The following PSD4 variants were observed in gnomAD, a reference collection of about 807,000 sequenced individuals.
PSD4 encodes pleckstrin and Sec7 domain containing 4.
Under a neutral mutation model 112.5 loss-of-function variants are expected in PSD4, and 59 were observed. The observed-to-expected ratio is 0.52, with a 90% CI of 0.43 to 0.65. PSD4 has a LOEUF of 0.65. Among genes scored for constraint, PSD4 ranks in the 30% least tolerant of loss-of-function variants. The pLI is 0.00. For missense variants in PSD4, 1,267 were observed against 1,352.6 expected, an observed-to-expected ratio of 0.94 and a Z score of 0.99; for synonymous variants, 533 against 540.0, an observed-to-expected ratio of 0.99 and a Z score of 0.18.
chr2:113,181,287 T>A, intron 1 of PSD4, among the ~76,000 whole-genome samples: 1 of 151,340 alleles, frequency 6.6e-6, no homozygotes, highest in South Asian at 2.1e-4. Flanking sequence ...TAAGGACCTG[T>A]GTACTTGACC....
In PSD4 at chr2:113,183,201, C is replaced by A. The variant is rs1573355545; in HGVS notation, c.745C>A (p.Pro249Thr). The change falls in exon 2 of 17, where the codon CCC (proline) becomes ACC (threonine). Residue 249 changes from proline (P) to threonine (T), a missense_variant. By Grantham distance (38) the Pro-to-Thr change is conservative. Around this residue, in one of 2 missense-constraint regions of PSD4, gnomAD observed 723 missense variants for 704.0 expected, o/e 1.03. Coordinates refer to ENST00000245796, the MANE Select transcript of PSD4 (RefSeq NM_012455.3). The stretch of plus-strand genomic sequence containing the variant: ...GGAGGAGAGCATGTTCTTCAGCAAC[C>A]CCCTCTTCCTGGCGAGTCCTTGCTC... ...AEEESMFFSN[P>T]LFLASPCSEN... The A allele has an allele frequency of 1.2e-6, 2 of 1,614,178 alleles. No homozygotes were observed. The highest frequency in any genetic ancestry group is 2.2e-5 in the East Asian group (1 of 44,880).
chr2:113,197,723 T>G, intron 13 of PSD4, 24 bp from the exon 14 acceptor site: 5 of 1,608,160 alleles, frequency 3.1e-6, no homozygotes, highest in Non-Finnish European at 4.3e-6. Context: ...GATAACCTCT[T>G]CTCTGAGCCC....
intron 1 of PSD4, chr2:113,175,258 C>T (rs1353877490): frequency 6.5e-6 from 1 of 153,110 alleles, no homozygotes; most frequent in East Asian, 1.9e-4. Flanking sequence ...CCCCTGGATA[C>T]TCTCTGCCTA....
At chr2:113,193,799 G>T in intron 9 of PSD4, 60 bp from the exon 10 acceptor site, 1 of 1,583,090 alleles carries the variant, frequency 6.3e-7, no homozygotes, top group Non-Finnish European at 8.7e-7. Flanking sequence ...TGCTGGCTGG[G>T]AGGTTATTCT....
chr2:113,197,807 G>A lies in PSD4; in HGVS notation c.2518G>A (p.Val840Met), dbSNP rs760865078. The A allele has an allele frequency of 6.2e-6, 10 of 1,611,588 alleles. No individual in the cohort carries two copies. The highest frequency in any genetic ancestry group is 2.2e-5 in the East Asian group (1 of 44,804). The change falls in exon 14 of 17, where the codon GTG becomes ATG. Residue 840 changes from valine to methionine, a missense_variant. Physicochemically the swap from Val to Met is conservative, Grantham distance 21. Coordinates refer to ENST00000245796, the MANE Select transcript of PSD4 (RefSeq NM_012455.3). ...SLVGQMVDEP[V>M]GVHHSLATPA... Reference sequence around the variant, plus strand: ...GGTGGGGCAGATGGTGGATGAGCCCGTGGGGGTGCACCACTCGCTGGCCAC... The same window carrying A: ...GGTGGGGCAGATGGTGGATGAGCCCATGGGGGTGCACCACTCGCTGGCCAC...
At position 113,199,069 on chromosome 2, in the gene PSD4, C is replaced by T; in HGVS notation, c.2770-14C>T. 2 of 1,521,920 alleles carry T rather than the reference C, an allele frequency of 1.3e-6. No individual in the cohort carries two copies. Among genetic ancestry groups the T allele is most frequent in the East Asian group, 5.1e-5 (2 of 38,988 alleles). The allele number at this position is 1,521,920 out of a possible 1,614,324, so 94.3% of individuals were successfully genotyped here. A position where few individuals can be genotyped will look rare whatever the true frequency, so the allele number is the denominator to read the frequency against. On this transcript the variant is annotated splice_polypyrimidine_tract_variant and intron_variant, in intron 15 of 16. Transcript: ENST00000245796. Reference sequence around the variant, plus strand: ...ACGCCCGGGACAGCGCCCCTCACCGCCCGCTGCTCGCAGGAGGAGCAGCAT... The same window carrying T: ...ACGCCCGGGACAGCGCCCCTCACCGTCCGCTGCTCGCAGGAGGAGCAGCAT...
rs1347716185 is a variant in PSD4, at chr2:113,196,286, C to G, written c.2365C>G (p.Gln789Glu). ...KQGILARKMH[Q>E]DADGKKTPWG... ...GGGCATCCTGGCTCGGAAAATGCAT[C>G]AAGATGCAGACGGCAAGAAGAGTGA... The change falls in exon 12 of 17, where the codon CAA becomes GAA. Residue 789 changes from glutamine to glutamate, a missense_variant. Transcript: ENST00000245796. 6.2e-7 allele frequency: 1 copy of G among 1,613,608 alleles called. No individual in the cohort carries two copies.
At chr2:113,178,131 TC>T (rs1160453740) in intron 1 of PSD4, among the ~76,000 whole-genome samples, 5 of 152,034 alleles carry the variant, frequency 3.3e-5, no homozygotes, top group Admixed American at 2.6e-4. Context: ...GACAGGAGAA[TC>T]GCTTGAACCT....
intron 10 of PSD4, among the ~76,000 whole-genome samples, chr2:113,195,093 C>T (rs904882401): frequency 6.6e-6 from 1 of 152,134 alleles, no homozygotes; most frequent in African/African-American, 2.4e-5. Context: ...TAATTCATTT[C>T]TCCTCCATGA....
rs375265118 is a variant in PSD4, at chr2:113,183,200, C to T, written c.744C>T (p.Asn248=). 14 of 1,614,080 alleles carry T rather than the reference C, an allele frequency of 8.7e-6. No individual in the cohort carries two copies. The highest frequency in any genetic ancestry group is 1.2e-5 in the Non-Finnish European group (14 of 1,180,042). The part of the protein sequence containing the change: ...GAEEESMFFS[N]PLFLASPCSE... Reference sequence around the variant, plus strand: ...AGGAGGAGAGCATGTTCTTCAGCAACCCCCTCTTCCTGGCGAGTCCTTGCT... The same window carrying T: ...AGGAGGAGAGCATGTTCTTCAGCAATCCCCTCTTCCTGGCGAGTCCTTGCT... The change falls in exon 2 of 17, where the codon AAC becomes AAT. Residue 248 remains asparagine, a synonymous_variant. Coordinates refer to ENST00000245796, the MANE Select transcript of PSD4 (RefSeq NM_012455.3).
At position 113,198,885 on chromosome 2, in the gene PSD4, G is replaced by T. The variant is rs1247209232; in HGVS notation, c.2769+1G>T. ...CGTGGGCCCCGCCCAGAGCTCCCTG[G>T]TACGGCCTCCGGGAAGGGGTGGGGT... On this transcript the variant is annotated splice_donor_variant, in intron 15 of 16. Transcript: ENST00000245796. LOFTEE classifies it high-confidence loss of function. 5.7e-6 allele frequency: 9 copies of T among 1,582,200 alleles called. No homozygotes were observed. Among genetic ancestry groups the T allele is most frequent in the Non-Finnish European group, 7.7e-6 (9 of 1,171,542 alleles).
intron 5 of PSD4, among the ~76,000 whole-genome samples, chr2:113,188,300 A>G (rs1278233385): frequency 6.6e-6 from 1 of 152,024 alleles, no homozygotes. Context: ...CTGAAGTGCA[A>G]TGTTGCGATC....
intron 7 of PSD4, 40 bp from the exon 8 acceptor site, chr2:113,193,218 G>T (rs758457285): frequency 3.8e-6 from 6 of 1,589,314 alleles, no homozygotes. Context: ...TTGGCCCTAA[G>T]CTCCCGGGCT....
At chr2:113,191,676 T>C (rs1688443565) in intron 5 of PSD4, among the ~76,000 whole-genome samples, 1 of 152,204 alleles carries the variant, frequency 6.6e-6, no homozygotes, top group Non-Finnish European at 1.5e-5. Context: ...CCACACTTGA[T>C]TGTAATGTTG....
rs1663664567 is a variant in PSD4 at position 113,183,187 on chromosome 2, T to G, written c.731T>G (p.Met244Arg). The G allele has an allele frequency of 1.9e-6, 3 of 1,614,026 alleles. No homozygotes were observed. The highest frequency in any genetic ancestry group is 8.5e-7 in the Non-Finnish European group (1 of 1,180,020). ...SPQWGAEEES[M>R]FFSNPLFLAS... ...CAGTGGGGAGCTGAGGAGGAGAGCA[T>G]GTTCTTCAGCAACCCCCTCTTCCTG... is the stretch of plus-strand genomic sequence containing the variant. The change falls in exon 2 of 17, where the codon ATG becomes AGG. Residue 244 changes from methionine to arginine, a missense_variant. Transcript: ENST00000245796.
chr2:113,188,566 T>C (rs962560481), intron 5 of PSD4, among the ~76,000 whole-genome samples: 4 of 151,582 alleles, frequency 2.6e-5, no homozygotes, highest in Non-Finnish European at 2.9e-5. Context: ...CCTCACTTTA[T>C]TATTTTATTT....
intron 5 of PSD4, among the ~76,000 whole-genome samples, chr2:113,189,907 G>C (rs1026703171): frequency 2.0e-5 from 3 of 152,148 alleles, no homozygotes; most frequent in Non-Finnish European, 2.9e-5. Flanking sequence ...GTAGATTCTG[G>C]ATATTAGTCC....
rs1301114794 is a variant in PSD4 at position 113,187,557 on chromosome 2, A to G, written c.1628+1302A>G. On this transcript the variant is annotated intron_variant, in intron 5 of 16. Coordinates refer to ENST00000245796, the MANE Select transcript of PSD4 (RefSeq NM_012455.3). ...TGGTGACCTATGACCCAGTGTGAAC[A>G]GGTCCGGGTGACCCCCAGCCGACTC... 3.9e-5 allele frequency among the ~76,000 whole-genome samples: 6 copies of G among 152,172 alleles called. No homozygotes were observed. The East Asian group carries it at 9.6e-4, about 24-fold the overall frequency.
intron 6 of PSD4, 49 bp from the exon 7 acceptor site, chr2:113,192,999 C>T: frequency 6.3e-7 from 1 of 1,575,848 alleles, no homozygotes; most frequent in South Asian, 1.1e-5. Context: ...CATCTGCAGC[C>T]CCAGCCCAGG....
Sources: allele counts gnomAD v4.1 joint callset (sites outside exome capture counted in the v4.1 genomes callset), GRCh38; gene constraint gnomAD v4.1.1; regional missense constraint gnomAD v4.1.1; transcripts MANE v1.5; gene names NCBI Gene and HGNC (gene_info 2026-07-23, HGNC 2026-07-21).